The following NPRL3 variants were observed in gnomAD, a reference collection of about 807,000 sequenced individuals.
The protein encoded by NPRL3 is GATOR1 complex protein NPRL3.
In NPRL3, 23 loss-of-function variants were observed where a neutral mutation model predicts 57.2. That is an observed-to-expected ratio of 0.40 (90% CI 0.29 to 0.57). The LOEUF (loss-of-function observed/expected upper bound fraction) is 0.57. NPRL3 is among the 20% of genes least tolerant of loss of function. The probability of loss-of-function intolerance (pLI) is 0.42; values close to 1 mark genes in which losing one functional copy is unlikely to be tolerated. For missense variants in NPRL3, 691 were observed against 767.1 expected (o/e 0.90, Z 1.17); for synonymous variants, 333 against 321.1 (o/e 1.04, Z -0.39).
rs777915414 is a variant in NPRL3 at position 119,120 on chromosome 16, C to T, written c.318+6G>A. 1.9e-6 allele frequency: 3 copies of T among 1,613,492 alleles called. No individual in the cohort carries two copies. Among genetic ancestry groups the T allele is most frequent in the Non-Finnish European group, 2.5e-6 (3 of 1,179,670 alleles). On this transcript the variant is annotated splice_donor_region_variant and intron_variant, in intron 4 of 13. Transcript: ENST00000611875. ...GAGAGCCCCACCTGCCCAGGGAGAG[C>T]CATACCTGCCCCAGAGCATGCTGTA...
At position 85,481 on chromosome 16, in the gene NPRL3, C is replaced by T. The variant is rs200919197; in HGVS notation, c.*1224G>A. The T allele has an allele frequency of 5.6e-5, 90 of 1,613,072 alleles. No individual in the cohort carries two copies. The highest frequency in any genetic ancestry group is 5.9e-5 in the Non-Finnish European group (70 of 1,180,040). On this transcript the variant is annotated 3_prime_UTR_variant, in exon 14 of 14. Coordinates refer to ENST00000611875, the MANE Select transcript of NPRL3 (RefSeq NM_001077350.3). ...CATGCGTCAGCTTCGCAGCACCCTC[C>T]GGAAAGGCACCGCCAGCCGTGTCCT...
At chr16:99,190 G>A (rs1453857526) in intron 8 of NPRL3, among the ~76,000 whole-genome samples, 3 of 152,188 alleles carry the variant, frequency 2.0e-5, no homozygotes, top group Non-Finnish European at 2.9e-5. Context: ...AAAGAGCACG[G>A]ACTGGGGAGG....
At chr16:105,873 G>T (rs969141606) in intron 7 of NPRL3, among the ~76,000 whole-genome samples, 7 of 152,208 alleles carry the variant, frequency 4.6e-5, no homozygotes, top group Non-Finnish European at 1.0e-4. Context: ...GATCCACAGG[G>T]AGACACAAGT....
intron 4 of NPRL3, among the ~76,000 whole-genome samples, chr16:117,750 G>A (rs1269022897): frequency 6.6e-6 from 1 of 152,256 alleles, no homozygotes; most frequent in Non-Finnish European, 1.5e-5. Flanking sequence ...GAACAATTGA[G>A]GGACAGGACG....
rs750200811 is a variant in NPRL3, at chr16:85,560, TCAA to T, written c.*1142_*1144del. On this transcript the variant is annotated 3_prime_UTR_variant, in exon 14 of 14. Transcript: ENST00000611875. ...TCCAAGCTGTGCCAGGCCCTGGCCA[TCAA>T]CAAGAGCTTTGACCAGAGGGACCTG... 2 of 1,613,394 alleles carry T rather than the reference TCAA, an allele frequency of 1.2e-6. No homozygotes were observed. Among genetic ancestry groups the T allele is most frequent in the Non-Finnish European group, 1.7e-6 (2 of 1,179,982 alleles).
At chr16:95,385 A>ACACACACACACACACAC (rs1567132382) in intron 9 of NPRL3, among the ~76,000 whole-genome samples, 1 of 143,098 alleles carries the variant, frequency 7.0e-6, no homozygotes, top group African/African-American at 2.5e-5. Context: ...ACACACACAC[A>ACACACACACACACACAC]ATAAAATGTA....
chr16:124,733 C>T (rs1400801747), intron 3 of NPRL3, among the ~76,000 whole-genome samples: 1 of 152,154 alleles, frequency 6.6e-6, no homozygotes, highest in Non-Finnish European at 1.5e-5. Flanking sequence ...TGTCAGAAAA[C>T]ATCTGGGCTT....
chr16:92,564 C>A, intron 11 of NPRL3, 32 bp downstream of exon 11: 1 of 1,608,698 alleles, frequency 6.2e-7, no homozygotes, highest in Non-Finnish European at 8.5e-7. Flanking sequence ...ACACACCTGC[C>A]ACTCTGGGCT....
intron 3 of NPRL3, among the ~76,000 whole-genome samples, chr16:122,073 C>T (rs1466971311): frequency 2.7e-5 from 4 of 150,934 alleles, no homozygotes; most frequent in Admixed American, 2.0e-4. Flanking sequence ...CCACGCCCGG[C>T]CCCATGACAA....
chr16:97,897 C>G (rs1458325271), intron 9 of NPRL3, among the ~76,000 whole-genome samples: 3 of 152,184 alleles, frequency 2.0e-5, no homozygotes, highest in African/African-American at 7.2e-5. Flanking sequence ...CTCACAGACT[C>G]GCCTTACCTC....
chr16:111,835 A>C (rs1020627256), intron 6 of NPRL3, among the ~76,000 whole-genome samples: 4 of 152,084 alleles, frequency 2.6e-5, no homozygotes, highest in Non-Finnish European at 5.9e-5. Context: ...AACTAATTTT[A>C]CTTATTGCTA....
chr16:118,738 G>A (rs1037621642), intron 4 of NPRL3, among the ~76,000 whole-genome samples: 2 of 152,232 alleles, frequency 1.3e-5, no homozygotes, highest in Non-Finnish European at 2.9e-5. Flanking sequence ...ACCAGAGCTG[G>A]TGTCAGCCTC....
chr16:92,559 C>T, intron 11 of NPRL3, 37 bp downstream of exon 11: 1 of 1,606,720 alleles, frequency 6.2e-7, no homozygotes, highest in Non-Finnish European at 8.5e-7. Context: ...CCACTACACA[C>T]CTGCCACTCT....
chr16:86,907 C>A, intron 13 of NPRL3, 37 bp from the exon 14 acceptor site: 5 of 1,593,666 alleles, frequency 3.1e-6, no homozygotes. Flanking sequence ...CAACCTGACA[C>A]CAGCCCCCAG....
At chr16:120,660 C>A (rs928260370) in intron 3 of NPRL3, among the ~76,000 whole-genome samples, 1 of 152,166 alleles carries the variant, frequency 6.6e-6, no homozygotes, top group Non-Finnish European at 1.5e-5. Context: ...CCTCTCAACC[C>A]AGTCAGGTTG....
At chr16:101,326 T>C (rs1899292161) in intron 7 of NPRL3, among the ~76,000 whole-genome samples, 1 of 152,192 alleles carries the variant, frequency 6.6e-6, no homozygotes, top group Non-Finnish European at 1.5e-5. Context: ...AAGCACACAG[T>C]GCCCACCTCC....
chr16:124,006 C>G (rs1157758585), intron 3 of NPRL3, among the ~76,000 whole-genome samples: 2 of 131,430 alleles, frequency 1.5e-5, no homozygotes, highest in African/African-American at 2.8e-5. Flanking sequence ...CGCTGAGAAA[C>G]AGGGTCACAC....
intron 13 of NPRL3, among the ~76,000 whole-genome samples, chr16:87,351 G>C (rs1248668661): frequency 6.6e-6 from 1 of 151,544 alleles, no homozygotes; most frequent in East Asian, 1.9e-4. Flanking sequence ...TCCTGCGTCA[G>C]CTTCCCAGGT....
chr16:121,844 G>A (rs1438396894), intron 3 of NPRL3, among the ~76,000 whole-genome samples: 1 of 151,580 alleles, frequency 6.6e-6, no homozygotes, highest in East Asian at 1.9e-4. Flanking sequence ...ACGTAATCTC[G>A]GCTCACTGCA....
Sources: allele counts gnomAD v4.1 joint callset (sites outside exome capture counted in the v4.1 genomes callset), GRCh38; gene constraint gnomAD v4.1.1; transcripts MANE v1.5; gene names NCBI Gene and HGNC (gene_info 2026-07-23, HGNC 2026-07-21).